The following CCDC181 variants were observed in gnomAD, a reference collection of about 807,000 sequenced individuals.
The protein encoded by CCDC181 is coiled-coil domain containing 181.
A neutral mutation model predicts 58.7 loss-of-function variants in CCDC181; 35 were observed. That is an observed-to-expected ratio of 0.60 (90% confidence interval 0.46 to 0.79). CCDC181 has a LOEUF of 0.79. CCDC181 is among the 30% of genes least tolerant of loss of function. CCDC181 has a pLI of 0.00. For missense variants in CCDC181, 517 were observed against 583.9 expected (o/e 0.89, Z 1.18); for synonymous variants, 183 against 197.5 (o/e 0.93, Z 0.62).
At chr1:169,458,682 A>G (rs760384740) in intron 2 of CCDC181, among the ~76,000 whole-genome samples, 1 of 151,944 alleles carries the variant, frequency 6.6e-6, no homozygotes, top group Non-Finnish European at 1.5e-5. Flanking sequence ...CTGTGATTTC[A>G]TCTTTTGTAT....
intron 2 of CCDC181, among the ~76,000 whole-genome samples, chr1:169,433,299 T>C (rs1656968077): frequency 6.6e-6 from 1 of 151,936 alleles, no homozygotes; most frequent in African/African-American, 2.4e-5. Context: ...ATGTAAACCA[T>C]AAAACAGACA....
chr1:169,398,226 T>C (rs1655157224), intron 4 of CCDC181, among the ~76,000 whole-genome samples: 1 of 152,192 alleles, frequency 6.6e-6, no homozygotes, highest in Non-Finnish European at 1.5e-5. Context: ...AGTTCTGGTG[T>C]TCTATTACAC....
chr1:169,417,734 A>C (rs974552819), intron 4 of CCDC181, among the ~76,000 whole-genome samples: 2 of 152,140 alleles, frequency 1.3e-5, no homozygotes, highest in African/African-American at 4.8e-5. Context: ...TCTTATTAGA[A>C]CAAAGAGAGT....
intron 2 of CCDC181, chr1:169,443,235 C>A (rs1657284309): frequency 6.6e-6 from 1 of 151,954 alleles, no homozygotes. Context: ...AGGAAAAAAG[C>A]ATTTGCAATG....
intron 2 of CCDC181, among the ~76,000 whole-genome samples, chr1:169,440,184 A>G (rs1357410308): frequency 6.6e-6 from 1 of 152,150 alleles, no homozygotes; most frequent in African/African-American, 2.4e-5. Context: ...TTGGGTTGGC[A>G]GCACCCCACC....
intron 4 of CCDC181, among the ~76,000 whole-genome samples, chr1:169,403,288 A>G (rs780222753): frequency 1.3e-5 from 2 of 152,214 alleles, no homozygotes; most frequent in Non-Finnish European, 2.9e-5. Flanking sequence ...CAAGGAATTG[A>G]ACGCAGCTCT....
At chr1:169,453,520 C>G (rs986530220) in intron 2 of CCDC181, among the ~76,000 whole-genome samples, 1 of 152,046 alleles carries the variant, frequency 6.6e-6, no homozygotes, top group East Asian at 1.9e-4. Flanking sequence ...ATCTGCCACT[C>G]TAATGGGGAG....
At chr1:169,405,484 A>G (rs547786204) in intron 4 of CCDC181, among the ~76,000 whole-genome samples, 30 of 152,168 alleles carry the variant, frequency 2.0e-4, no homozygotes, top group Non-Finnish European at 3.5e-4. Flanking sequence ...ACAGAACAGA[A>G]CCCTCAGAAA....
intron 5 of CCDC181, chr1:169,396,036 T>A (rs1655013114): frequency 6.6e-6 from 1 of 152,146 alleles, no homozygotes; most frequent in South Asian, 2.1e-4. Flanking sequence ...TAAATGGATA[T>A]GGGCTGGATA....
intron 4 of CCDC181, among the ~76,000 whole-genome samples, chr1:169,410,093 A>G (rs1270238715): frequency 6.6e-6 from 1 of 152,068 alleles, no homozygotes; most frequent in African/African-American, 2.4e-5. Flanking sequence ...AGACTGGCAA[A>G]TCGGATAGAG....
Position 169,427,367 on chromosome 1 carries a change from T to C in CCDC181, c.-103A>G, listed in dbSNP as rs35209966. On this transcript the variant is annotated 5_prime_UTR_variant, in exon 1 of 6. Coordinates refer to ENST00000367806, the MANE Select transcript of CCDC181 (RefSeq NM_001300969.2). The stretch of plus-strand genomic sequence containing the variant: ...CCTCCTCTTTCTAAGCTCTTCACAT[T>C]GAGGCAAAGGAGACCCCGGCACCTG... 0.14 allele frequency: 21,172 copies of C among 152,338 alleles called. 1,994 individuals carry two copies. Among genetic ancestry groups the C allele is most frequent in the Non-Finnish European group, 0.21 (14,448 of 68,120 alleles). 9.4% of individuals were successfully genotyped at this position (152,338 alleles called of 1,614,324 possible).
intron 4 of CCDC181, among the ~76,000 whole-genome samples, chr1:169,399,802 A>T (rs1264691054): frequency 6.6e-6 from 1 of 152,174 alleles, no homozygotes; most frequent in African/African-American, 2.4e-5. Flanking sequence ...AACATGATAT[A>T]ACCCCCATAT....
Position 169,422,083 on chromosome 1 carries a change from C to T in CCDC181, c.348G>A (p.Glu116=), listed in dbSNP as rs757842472. ...ESKLESQKDL[E]EEEDEEVRRY... Reference sequence around the variant, plus strand: ...TCCTTACTTCCTCATCCTCTTCCTCCTCCAAGTCTTTCTGGCTTTCTAGTT... The same window carrying T: ...TCCTTACTTCCTCATCCTCTTCCTCTTCCAAGTCTTTCTGGCTTTCTAGTT... Residue 116 remains glutamate (E), a synonymous_variant, in exon 3 of 6, where the codon GAG becomes GAA. Transcript: ENST00000367806. The T allele has an allele frequency of 6.2e-7, 1 of 1,613,598 alleles. No individual in the cohort carries two copies. Among genetic ancestry groups the T allele is most frequent in the South Asian group, 1.1e-5 (1 of 91,044 alleles).
intron 4 of CCDC181, among the ~76,000 whole-genome samples, chr1:169,411,905 A>G (rs1655985227): frequency 6.6e-6 from 1 of 152,186 alleles, no homozygotes. Context: ...ATTTATGACA[A>G]ATCCATAGCC....
At chr1:169,442,363 CA>C (rs927763648) in intron 2 of CCDC181, among the ~76,000 whole-genome samples, 3 of 151,596 alleles carry the variant, frequency 2.0e-5, no homozygotes, top group Admixed American at 2.0e-4. Context: ...AAAAAAAGTA[CA>C]AATGTCTTGA....
chr1:169,401,329 T>C (rs1655335897), intron 4 of CCDC181, among the ~76,000 whole-genome samples: 1 of 152,212 alleles, frequency 6.6e-6, no homozygotes, highest in Non-Finnish European at 1.5e-5. Flanking sequence ...GTTTGAGATC[T>C]GAGAAAGGAC....
At position 169,424,865 on chromosome 1, in the gene CCDC181, C is replaced by T; in HGVS notation, c.63G>A (p.Lys21=). Residue 21 remains lysine (K), a synonymous_variant, in exon 2 of 6, where the codon AAG becomes AAA. Transcript: ENST00000367806. ...TTTCATTAATTAACCACTCCAGGTC[C>T]TTTTCAAAGTCATCTTCGTATTCTT... ...KSEEYEDDFE[K]DLEWLINENE... 6.2e-7 allele frequency: 1 copy of T among 1,609,164 alleles called. No homozygotes were observed. The highest frequency in any genetic ancestry group is 8.5e-7 in the Non-Finnish European group (1 of 1,176,388).
intron 4 of CCDC181, 47 bp from the exon 5 acceptor site, chr1:169,397,438 C>T: frequency 2.0e-6 from 3 of 1,499,522 alleles, no homozygotes; most frequent in East Asian, 2.3e-5. Context: ...ACAAGAACTA[C>T]ATTTTGAAGC....
At chr1:169,409,886 G>A (rs1348212605) in intron 4 of CCDC181, among the ~76,000 whole-genome samples, 3 of 152,134 alleles carry the variant, frequency 2.0e-5, no homozygotes, top group Admixed American at 6.5e-5. Flanking sequence ...CCTGAAGGAA[G>A]GACTAAATAT....
Sources: allele counts gnomAD v4.1 joint callset (sites outside exome capture counted in the v4.1 genomes callset), GRCh38; gene constraint gnomAD v4.1.1; transcripts MANE v1.5; gene names NCBI Gene and HGNC (gene_info 2026-07-23, HGNC 2026-07-21).